Variants in EFHB observed in about 807,000 individuals in gnomAD.
The protein encoded by EFHB is EF-hand domain family member B, also known as EF-hand domain-containing family member B.
EFHB carries 91 observed loss-of-function variants against 87.2 expected under a neutral mutation model. The observed-to-expected ratio is 1.04, with a 90% CI of 0.88 to 1.24. The LOEUF is 1.24. EFHB is among the 50% of genes most tolerant of loss of function. EFHB has a pLI of 0.00. For missense variants in EFHB, 1,084 were observed against 998.8 expected (o/e 1.09, Z -1.15); for synonymous variants, 325 against 333.6 (o/e 0.97, Z 0.28).
Position 19,882,673 on chromosome 3 carries a change from A to G in EFHB, c.2205T>C (p.Arg735=). 6.2e-7 allele frequency: 1 copy of G among 1,613,830 alleles called. No homozygotes were observed. Among genetic ancestry groups the G allele is most frequent in the South Asian group, 1.1e-5 (1 of 91,054 alleles). The change falls in exon 12 of 13, where the codon CGT becomes CGC. Residue 735 remains arginine (R), a synonymous_variant. Transcript: ENST00000295824. ...CATAATTAGTTCTGTCACTGATGCG[A>G]CGAATTCGGGGAGCAGGAATGTCAG... The part of the protein sequence containing the change: ...IRSDIPAPRI[R]RISDRTNYGE...
chr3:19,918,861 T>A, intron 3 of EFHB, among the ~76,000 whole-genome samples: 1 of 149,302 alleles, frequency 6.7e-6, no homozygotes, highest in Non-Finnish European at 1.5e-5. Context: ...ACGCCTGTAG[T>A]CCCAGCTACT....
intron 6 of EFHB, among the ~76,000 whole-genome samples, chr3:19,903,001 A>G (rs1282015423): frequency 6.6e-6 from 1 of 151,892 alleles, no homozygotes; most frequent in Admixed American, 6.6e-5. Flanking sequence ...TCATGGTGAA[A>G]CCCCATCTCT....
chr3:19,896,560 T>C (rs2125128372), intron 9 of EFHB, 127 bp downstream of exon 9: 1 of 1,277,016 alleles, frequency 7.8e-7, no homozygotes, highest in Non-Finnish European at 1.1e-6. Flanking sequence ...AGTAAAACTT[T>C]ACTGACACAA....
At position 19,884,556 on chromosome 3, in the gene EFHB, G is replaced by C. The variant is rs1332360038; in HGVS notation, c.1993C>G (p.Leu665Val). ...EANVEEPEQTLLIKPEDIVLK... is the reference protein window; with the variant it reads ...EANVEEPEQTVLIKPEDIVLK... ...ACAATATCTTCTGGCTTTATGAGGA[G>C]AGTTTGTTCAGGTTCTTCAACATTA... The change falls in exon 11 of 13, where the codon CTC becomes GTC. Residue 665 changes from leucine (L) to valine (V), a missense_variant. Coordinates refer to ENST00000295824, the MANE Select transcript of EFHB (RefSeq NM_144715.4). The C allele has an allele frequency of 1.2e-6, 2 of 1,613,842 alleles. No individual in the cohort carries two copies. The highest frequency in any genetic ancestry group is 1.7e-6 in the Non-Finnish European group (2 of 1,179,890).
intron 9 of EFHB, among the ~76,000 whole-genome samples, chr3:19,892,889 T>TAAAATAAAATAAA (rs79080019): frequency 6.8e-6 from 1 of 147,816 alleles, no homozygotes; most frequent in African/African-American, 2.5e-5. Context: ...AATAAAATAA[T>TAAAATAAAATAAA]ATAAAATCAG....
intron 5 of EFHB, among the ~76,000 whole-genome samples, chr3:19,911,341 C>T (rs1695055536): frequency 6.6e-6 from 1 of 151,976 alleles, no homozygotes; most frequent in Non-Finnish European, 1.5e-5. Flanking sequence ...GTGGGTAGAT[C>T]ACTTAAGGCC....
chr3:19,911,258 T>C (rs780194736), intron 5 of EFHB, among the ~76,000 whole-genome samples: 6 of 151,864 alleles, frequency 4.0e-5, no homozygotes, highest in Non-Finnish European at 8.8e-5. Flanking sequence ...GAGACTGAAA[T>C]AATTAAAAAG....
intron 5 of EFHB, among the ~76,000 whole-genome samples, chr3:19,910,837 G>A (rs1288216208): frequency 6.6e-6 from 1 of 152,202 alleles, no homozygotes; most frequent in Non-Finnish European, 1.5e-5. Flanking sequence ...CCCAGATCTT[G>A]TCCAAGTCCA....
intron 8 of EFHB, 147 bp downstream of exon 8, chr3:19,898,631 C>T (rs1694563072): frequency 2.4e-6 from 2 of 822,774 alleles, no homozygotes; most frequent in Admixed American, 2.8e-5. Flanking sequence ...GTGTTATACA[C>T]TTTTCTCATT....
intron 7 of EFHB, 145 bp downstream of exon 7, chr3:19,899,287 A>T: frequency 1.7e-6 from 1 of 599,952 alleles, no homozygotes; most frequent in Non-Finnish European, 2.7e-6. Context: ...TTCTATAGAT[A>T]TTAACAGATT....
At chr3:19,883,283 G>A (rs529618639) in intron 11 of EFHB, among the ~76,000 whole-genome samples, 24 of 152,304 alleles carry the variant, frequency 1.6e-4, no homozygotes, top group Non-Finnish European at 3.1e-4. Context: ...TTATGGGCAT[G>A]AGCCACCATG....
chr3:19,928,563 G>C (rs1328738756), intron 1 of EFHB, among the ~76,000 whole-genome samples: 1 of 152,184 alleles, frequency 6.6e-6, no homozygotes, highest in Non-Finnish European at 1.5e-5. Context: ...TCCTGCCTCA[G>C]CCTCCAGAGT....
At chr3:19,919,198 TTTG>T (rs2125151491) in intron 3 of EFHB, among the ~76,000 whole-genome samples, 1 of 149,692 alleles carries the variant, frequency 6.7e-6, no homozygotes, top group South Asian at 2.1e-4. Context: ...TCTTTTTTTG[TTTG>T]TTTGTTTGTT....
At chr3:19,941,992 TA>T (rs1262220463) in intron 1 of EFHB, among the ~76,000 whole-genome samples, 3 of 151,442 alleles carry the variant, frequency 2.0e-5, no homozygotes, top group African/African-American at 7.3e-5. Flanking sequence ...ACGTCTCTAC[TA>T]AAAATACAAA....
chr3:19,897,718 T>C (rs1361302980), intron 8 of EFHB, among the ~76,000 whole-genome samples: 2 of 152,182 alleles, frequency 1.3e-5, no homozygotes, highest in Non-Finnish European at 2.9e-5. Context: ...TTTTTCAAGC[T>C]AATTGATGGT....
chr3:19,903,252 C>G (rs1473071771), intron 6 of EFHB, among the ~76,000 whole-genome samples: 2 of 151,726 alleles, frequency 1.3e-5, no homozygotes, highest in Non-Finnish European at 2.9e-5. Context: ...GGAGTAGAGA[C>G]AAGTTGGAGG....
intron 10 of EFHB, among the ~76,000 whole-genome samples, chr3:19,887,179 G>T (rs6550210): frequency 2.0e-5 from 3 of 151,760 alleles, no homozygotes; most frequent in Non-Finnish European, 4.4e-5. Flanking sequence ...CCAGGAGTTC[G>T]AGACCAGCCT....
chr3:19,912,668 A>T (rs79466875), intron 5 of EFHB, among the ~76,000 whole-genome samples: 3,788 of 152,282 alleles, frequency 0.025, 84 homozygotes, highest in South Asian at 0.12. Context: ...ACTTTTCAAG[A>T]CATAGAGATT....
At chr3:19,916,017 G>A (rs1038403169) in intron 4 of EFHB, among the ~76,000 whole-genome samples, 6 of 152,026 alleles carry the variant, frequency 3.9e-5, no homozygotes, top group Admixed American at 1.3e-4. Flanking sequence ...TTTAGTTGTG[G>A]TAAGCCATAC....
Sources: gnomAD v4.1 joint callset for allele counts (sites outside exome capture counted in the v4.1 genomes callset) on GRCh38, gnomAD v4.1.1 for gene constraint, MANE v1.5 for transcripts, NCBI Gene and HGNC (gene_info 2026-07-23, HGNC 2026-07-21) for gene names.